ABAT: variants seen among roughly 807,000 people sequenced by gnomAD.
ABAT encodes 4-aminobutyrate aminotransferase, mitochondrial.
ABAT carries 45 observed loss-of-function variants against 64.6 expected under a neutral mutation model. That is an observed-to-expected ratio of 0.70 (90% CI 0.55 to 0.89). The LOEUF is 0.89. Ranked by LOEUF, ABAT falls within the 40% of genes least tolerant of loss-of-function variation. The probability of loss-of-function intolerance (pLI) is 0.00; values close to 1 mark genes in which losing one functional copy is unlikely to be tolerated. For missense variants in ABAT, 633 were observed against 658.4 expected (o/e 0.96, Z 0.42); for synonymous variants, 297 against 250.5 (o/e 1.19, Z -1.75).
intron 1 of ABAT, among the ~76,000 whole-genome samples, chr16:8,698,310 T>C (rs1473912867): frequency 6.6e-6 from 1 of 151,764 alleles, no homozygotes; most frequent in Non-Finnish European, 1.5e-5. Context: ...CATGGACCCT[T>C]GGGTTTGTTT....
intron 1 of ABAT, among the ~76,000 whole-genome samples, chr16:8,706,110 A>G (rs938588058): frequency 3.9e-5 from 6 of 152,172 alleles, no homozygotes; most frequent in African/African-American, 1.2e-4. Context: ...GAAGGCGTAC[A>G]TTAAAAAGAT....
At chr16:8,735,605 TTC>T (rs769629129) in intron 1 of ABAT, 92 bp from the exon 2 acceptor site, 1 of 1,032,560 alleles carries the variant, frequency 9.7e-7, no homozygotes, top group Admixed American at 2.0e-5. Flanking sequence ...CAGAAGAACT[TTC>T]TCTATTAGGT....
intron 1 of ABAT, among the ~76,000 whole-genome samples, chr16:8,680,006 A>G (rs1166535487): frequency 1.3e-5 from 2 of 152,090 alleles, no homozygotes; most frequent in Admixed American, 1.3e-4. Flanking sequence ...CAATAATAAG[A>G]TTGACTCTCC....
At chr16:8,750,621 G>T in intron 5 of ABAT, 82 bp downstream of exon 5, 1 of 1,265,384 alleles carries the variant, frequency 7.9e-7, no homozygotes, top group South Asian at 1.2e-5. Flanking sequence ...TTAGGATGTG[G>T]CTTCCAGCAG....
intron 1 of ABAT, among the ~76,000 whole-genome samples, chr16:8,731,987 G>A (rs1193826504): frequency 6.6e-6 from 1 of 151,990 alleles, no homozygotes; most frequent in Admixed American, 6.6e-5. Flanking sequence ...CCAAGTAGCT[G>A]GGATTACAGG....
At chr16:8,741,915 T>C (rs2059171599) in intron 2 of ABAT, among the ~76,000 whole-genome samples, 2 of 152,256 alleles carry the variant, frequency 1.3e-5, no homozygotes, top group Admixed American at 1.3e-4. Context: ...TTGTATTTAA[T>C]TGTGGATTAC....
chr16:8,728,599 T>C (rs533357367), intron 1 of ABAT, among the ~76,000 whole-genome samples: 19 of 152,242 alleles, frequency 1.2e-4, no homozygotes, highest in African/African-American at 4.1e-4. Context: ...GTTTGGGCCA[T>C]GCACAGTGGC....
intron 1 of ABAT, among the ~76,000 whole-genome samples, chr16:8,691,633 G>T (rs2057584519): frequency 6.6e-6 from 1 of 152,170 alleles, no homozygotes; most frequent in Non-Finnish European, 1.5e-5. Context: ...TAGAGAGGGG[G>T]TTTCGCCATG....
chr16:8,735,757 C>T lies in ABAT; in HGVS notation c.18C>T (p.Leu6=), dbSNP rs766349160. The change falls in exon 2 of 16, where the codon CTC becomes CTT. Residue 6 remains leucine, a synonymous_variant. Transcript: ENST00000268251. ...AAGGGGTCATGGCCTCCATGTTGCT[C>T]GCCCAGCGCCTGGCCTGCAGCTTCC... MASML[L]AQRLACSFQH... is the part of the protein sequence containing the mutation. The T allele has an allele frequency of 5.4e-5, 86 of 1,606,190 alleles. No individual in the cohort carries two copies. Among genetic ancestry groups the T allele is most frequent in the Middle Eastern group, 1.6e-4 (1 of 6,074 alleles).
chr16:8,682,403 T>C (rs1641111), intron 1 of ABAT, among the ~76,000 whole-genome samples: 88,351 of 151,386 alleles, frequency 0.58, 26,118 homozygotes, highest in East Asian at 0.76. Context: ...AACAGAACGC[T>C]ATTCTTCCAA....
intron 1 of ABAT, among the ~76,000 whole-genome samples, chr16:8,712,628 T>C (rs1396127319): frequency 6.6e-6 from 1 of 152,202 alleles, no homozygotes; most frequent in Admixed American, 6.5e-5. Flanking sequence ...GAGTCCCCTT[T>C]GGCCCTTGTT....
At chr16:8,772,665 A>G in intron 11 of ABAT, 115 bp from the exon 12 acceptor site, 14 of 1,413,194 alleles carry the variant, frequency 9.9e-6, no homozygotes, top group Non-Finnish European at 1.4e-5. Flanking sequence ...TAGGAAATGC[A>G]CACAAACACA....
intron 2 of ABAT, 94 bp from the exon 3 acceptor site, chr16:8,745,907 C>A: frequency 8.1e-7 from 1 of 1,238,302 alleles, no homozygotes; most frequent in Non-Finnish European, 1.2e-6. Context: ...GGTCCTGGCA[C>A]TACCTCTGTT....
At chr16:8,675,944 T>C (rs138493232) in intron 1 of ABAT, among the ~76,000 whole-genome samples, 97 of 151,064 alleles carry the variant, frequency 6.4e-4, no homozygotes, top group African/African-American at 2.2e-3. Flanking sequence ...CCAAGAGAAA[T>C]GGGTGCTGCT....
rs556070038 is a variant in ABAT at position 8,778,710 on chromosome 16, G to T, written c.1270-769G>T. The stretch of plus-strand genomic sequence containing the variant: ...CAAGAATCTTTGAACCTGGGAGGCA[G>T]AGGATGCAGTGAGCCGAGATAGTGC... On this transcript the variant is annotated intron_variant, in intron 14 of 15. Transcript: ENST00000268251. Among the ~76,000 whole-genome samples the T allele has an allele frequency of 5.3e-5, 8 of 151,762 alleles. No homozygotes were observed. In the East Asian group the frequency reaches 1.5e-3, roughly 29 times the overall value.
intron 15 of ABAT, chr16:8,780,864 C>A: frequency 2.7e-6 from 1 of 368,594 alleles, no homozygotes. Flanking sequence ...TGTCCCTCCT[C>A]CGTAATAGCT....
chr16:8,757,616 T>G (rs2059684984), intron 5 of ABAT, 141 bp from the exon 6 acceptor site: 6 of 948,952 alleles, frequency 6.3e-6, no homozygotes, highest in Admixed American at 6.2e-5. Context: ...AATCTCTTTT[T>G]GTCAACAAAG....
rs534047224 is a variant in ABAT, at chr16:8,701,359, A to T, written c.-42+26648A>T. Among the ~76,000 whole-genome samples the T allele has an allele frequency of 3.3e-5, 5 of 152,366 alleles. No homozygotes were observed. In the South Asian group the frequency reaches 1.0e-3, roughly 32 times the overall value. Reference sequence around the variant, plus strand: ...TAACGTGGTAGTGAGCTGTAATCAAATCTGGAGTGAATAACGTGAACACTG... The same window carrying T: ...TAACGTGGTAGTGAGCTGTAATCAATTCTGGAGTGAATAACGTGAACACTG... On this transcript the variant is annotated intron_variant, in intron 1 of 15. Transcript: ENST00000268251.
At chr16:8,750,629 C>CTGGA in intron 5 of ABAT, 90 bp downstream of exon 5, 7 of 1,139,966 alleles carry the variant, frequency 6.1e-6, no homozygotes, top group Non-Finnish European at 9.3e-6. Context: ...TGGCTTCCAG[C>CTGGA]AGGCACATCC....
Sources: gnomAD v4.1 joint callset for allele counts (sites outside exome capture counted in the v4.1 genomes callset) on GRCh38, gnomAD v4.1.1 for gene constraint, MANE v1.5 for transcripts, NCBI Gene and HGNC (gene_info 2026-07-23, HGNC 2026-07-21) for gene names.